RMP24: variants seen among roughly 807,000 people sequenced by gnomAD.
RMP24 encodes the protein ribonuclease MRP protein subunit p24.
At chr18:35,973,251 C>T in the RMP24 span, 1 of 422,562 alleles carries the variant, frequency 2.4e-6, no homozygotes. Context: ...GTACTCAGCC[C>T]TTGGACCTCT....
the RMP24 span, chr18:35,974,983 C>G: frequency 6.2e-7 from 1 of 1,614,088 alleles, no homozygotes; most frequent in South Asian, 1.1e-5. Flanking sequence ...AAACCCAAAG[C>G]CAGGTTGACA....
At chr18:35,978,399 T>C in the RMP24 span, among the ~76,000 whole-genome samples, 2 of 152,160 alleles carry the variant, frequency 1.3e-5, no homozygotes, top group African/African-American at 4.8e-5. Flanking sequence ...GGTGGGCGGC[T>C]CAGGAGTTCA....
At chr18:35,978,746 G>A in the RMP24 span, 5 of 1,136,382 alleles carry the variant, frequency 4.4e-6, no homozygotes, top group Non-Finnish European at 6.1e-6. Flanking sequence ...ACCGAGGATA[G>A]CCAGTGCATG....
the RMP24 span, chr18:35,974,932 G>C: frequency 6.2e-7 from 1 of 1,614,134 alleles, no homozygotes; most frequent in Non-Finnish European, 8.5e-7. Context: ...TGTCCATACT[G>C]TTTCCAGCTG....
the RMP24 span, chr18:35,978,973 C>T: frequency 6.2e-7 from 1 of 1,610,258 alleles, no homozygotes; most frequent in East Asian, 2.2e-5. Context: ...TCAGAAATTT[C>T]TTATCTTCTC....
chr18:35,977,297 C>T, the RMP24 span: 1 of 935,092 alleles, frequency 1.1e-6, no homozygotes, highest in African/African-American at 1.7e-5. Flanking sequence ...ATTTTACTTA[C>T]CCCTATAGTA....
At chr18:35,974,182 A>C in the RMP24 span, among the ~76,000 whole-genome samples, 2 of 152,262 alleles carry the variant, frequency 1.3e-5, no homozygotes, top group South Asian at 4.1e-4. Flanking sequence ...TCACTCAATG[A>C]AGCTTTCCCT....
the RMP24 span, chr18:35,972,927 C>G: frequency 1.2e-6 from 2 of 1,614,040 alleles, no homozygotes; most frequent in Non-Finnish European, 1.7e-6. Flanking sequence ...ACGCCTGTCT[C>G]TTGTGCTTTG....
the RMP24 span, among the ~76,000 whole-genome samples, chr18:35,978,041 C>T: frequency 6.6e-6 from 1 of 152,186 alleles, no homozygotes; most frequent in African/African-American, 2.4e-5. Flanking sequence ...ATCCTACTTC[C>T]CTGTTTTCAT....
At chr18:35,977,403 A>G in the RMP24 span, 33 of 1,599,420 alleles carry the variant, frequency 2.1e-5, no homozygotes, top group Admixed American at 1.1e-4. Context: ...TCTTATTTTT[A>G]TGGTAGTTGA....
At chr18:35,976,138 ATTTTTTTTTTTTTTT>A in the RMP24 span, among the ~76,000 whole-genome samples, 42 of 72,758 alleles carry the variant, frequency 5.8e-4, no homozygotes, top group African/African-American at 2.1e-3. Flanking sequence ...TGTTTTTCTG[ATTTTTTTTTTTTTTT>A]TTTTTTTTTT....
the RMP24 span, chr18:35,973,031 C>T: frequency 4.3e-5 from 56 of 1,291,298 alleles, no homozygotes; most frequent in Middle Eastern, 1.1e-3. Flanking sequence ...CAACAAAGCC[C>T]GCATGTGTCT....
At chr18:35,977,587 G>C in the RMP24 span, 1 of 1,611,374 alleles carries the variant, frequency 6.2e-7, no homozygotes, top group South Asian at 1.1e-5. Flanking sequence ...CAAGAGCCCA[G>C]CATCGGTTTT....
chr18:35,977,237 T>C, the RMP24 span, among the ~76,000 whole-genome samples: 1 of 151,892 alleles, frequency 6.6e-6, no homozygotes, highest in Non-Finnish European at 1.5e-5. Context: ...AAAAAAAATG[T>C]CTTGTCTGAT....
chr18:35,979,222 A>G, the RMP24 span: 1 of 404,112 alleles, frequency 2.5e-6, no homozygotes, highest in South Asian at 3.9e-5. Flanking sequence ...AGTTCCTTGT[A>G]GATACATATC....
chr18:35,976,324 T>C, the RMP24 span, among the ~76,000 whole-genome samples: 1 of 151,924 alleles, frequency 6.6e-6, no homozygotes, highest in Non-Finnish European at 1.5e-5. Flanking sequence ...TGATTTATTT[T>C]AACCTGTATA....
chr18:35,977,567 G>C, the RMP24 span: 1 of 1,613,788 alleles, frequency 6.2e-7, no homozygotes, highest in Non-Finnish European at 8.5e-7. Context: ...GACATGTCTG[G>C]CTCGAAAGGC....
At chr18:35,974,518 GA>G in the RMP24 span, among the ~76,000 whole-genome samples, 1 of 152,196 alleles carries the variant, frequency 6.6e-6, no homozygotes, top group Non-Finnish European at 1.5e-5. Context: ...TTTAAAAAAA[GA>G]AACAAAATCG....
At chr18:35,974,448 G>A in the RMP24 span, among the ~76,000 whole-genome samples, 1 of 152,150 alleles carries the variant, frequency 6.6e-6, no homozygotes. Context: ...TATAAGTGCT[G>A]TTGCATCCCT....
Sources: gnomAD v4.1 joint callset for allele counts (sites outside exome capture counted in the v4.1 genomes callset) on GRCh38, gnomAD v4.1.1 for gene constraint, MANE v1.5 for transcripts, NCBI Gene and HGNC (gene_info 2026-07-23, HGNC 2026-07-21) for gene names.